Variants in PSMA1 observed in about 807,000 individuals in gnomAD.
PSMA1 encodes the protein proteasome 20S subunit alpha 1.
PSMA1 carries 3 observed loss-of-function variants against 38.4 expected under a neutral mutation model. That is an observed-to-expected ratio of 0.08 (90% CI 0.04 to 0.20). The LOEUF is 0.20. Among genes scored for constraint, PSMA1 ranks in the 10% least tolerant of loss-of-function variants. The pLI is 1.00. For synonymous variants in PSMA1, 101 were observed against 107.1 expected, an observed-to-expected ratio of 0.94 and a Z score of 0.35; for missense variants, 227 against 325.3, an observed-to-expected ratio of 0.70 and a Z score of 2.32.
chr11:14,589,363 A>ATGTGTG (rs1169510115), intron 2 of PSMA1, among the ~76,000 whole-genome samples: 15 of 127,296 alleles, frequency 1.2e-4, no homozygotes, highest in African/African-American at 3.6e-4. Flanking sequence ...ATATATATAT[A>ATGTGTG]TATGTGTGTG....
intron 2 of PSMA1, among the ~76,000 whole-genome samples, chr11:14,608,354 T>C (rs982579972): frequency 6.0e-5 from 9 of 149,992 alleles, no homozygotes; most frequent in African/African-American, 2.2e-4. Flanking sequence ...GTCTCTATTA[T>C]ATATATATAT....
chr11:14,541,405 T>C (rs1851771841), intron 2 of PSMA1, among the ~76,000 whole-genome samples: 1 of 152,216 alleles, frequency 6.6e-6, no homozygotes, highest in Admixed American at 6.5e-5. Flanking sequence ...GTACAGAACA[T>C]ATTCGTCTTT....
At chr11:14,640,650 T>C (rs1853187859) in intron 1 of PSMA1, among the ~76,000 whole-genome samples, 1 of 152,308 alleles carries the variant, frequency 6.6e-6, no homozygotes, top group African/African-American at 2.4e-5. Flanking sequence ...ATTGTTAACA[T>C]ACTTGGGCAA....
At chr11:14,627,140 C>T (rs1443988992) in intron 1 of PSMA1, among the ~76,000 whole-genome samples, 2 of 152,140 alleles carry the variant, frequency 1.3e-5, no homozygotes, top group Non-Finnish European at 2.9e-5. Flanking sequence ...CTTCATTTAA[C>T]CTTAATTACC....
At chr11:14,582,438 G>C (rs1013642176) in intron 2 of PSMA1, among the ~76,000 whole-genome samples, 1 of 148,534 alleles carries the variant, frequency 6.7e-6, no homozygotes, top group South Asian at 2.2e-4. Flanking sequence ...ATCCACCTCT[G>C]GACACAGGGC....
chr11:14,564,254 A>C (rs1057266901), intron 2 of PSMA1, among the ~76,000 whole-genome samples: 2 of 152,042 alleles, frequency 1.3e-5, no homozygotes, highest in African/African-American at 4.8e-5. Flanking sequence ...CTTTGTTTCT[A>C]TAATTTTGTC....
intron 2 of PSMA1, among the ~76,000 whole-genome samples, chr11:14,576,551 T>G (rs1490603294): frequency 1.5e-4 from 23 of 152,292 alleles, no homozygotes; most frequent in African/African-American, 5.1e-4. Context: ...TTTCCCCATT[T>G]CTTGTTTTTG....
intron 1 of PSMA1, among the ~76,000 whole-genome samples, chr11:14,626,916 G>A (rs2133715070): frequency 6.6e-6 from 1 of 152,284 alleles, no homozygotes; most frequent in Admixed American, 6.5e-5. Flanking sequence ...TTAAACAACA[G>A]AACTTTATTT....
intron 2 of PSMA1, among the ~76,000 whole-genome samples, chr11:14,547,610 C>G (rs1422233826): frequency 1.3e-5 from 2 of 152,048 alleles, no homozygotes; most frequent in African/African-American, 4.8e-5. Context: ...AAAGCAAGGT[C>G]ATGGGGTCAA....
intron 1 of PSMA1, among the ~76,000 whole-genome samples, chr11:14,623,547 T>C (rs1350953480): frequency 2.6e-5 from 4 of 151,836 alleles, no homozygotes; most frequent in Non-Finnish European, 4.4e-5. Context: ...AGAGAAGGAG[T>C]TCTGGGGTAG....
At chr11:14,593,340 C>G (rs1852444594) in intron 2 of PSMA1, among the ~76,000 whole-genome samples, 1 of 152,322 alleles carries the variant, frequency 6.6e-6, no homozygotes, top group South Asian at 2.1e-4. Flanking sequence ...CAACGCTGCC[C>G]AAATTTACCT....
chr11:14,600,890 C>A (rs1158705274), intron 2 of PSMA1, among the ~76,000 whole-genome samples: 1 of 152,166 alleles, frequency 6.6e-6, no homozygotes, highest in Admixed American at 6.5e-5. Context: ...TCCAACATTT[C>A]TTTATTTCTG....
intron 2 of PSMA1, among the ~76,000 whole-genome samples, chr11:14,570,527 T>C (rs1852125929): frequency 1.3e-5 from 2 of 152,146 alleles, no homozygotes; most frequent in Non-Finnish European, 2.9e-5. Flanking sequence ...GTAAATGACC[T>C]GATGGAGCTG....
chr11:14,572,593 C>A (rs889109845), intron 2 of PSMA1, among the ~76,000 whole-genome samples: 1 of 152,096 alleles, frequency 6.6e-6, no homozygotes, highest in Non-Finnish European at 1.5e-5. Context: ...CCTAACATCA[C>A]AATTAAAAGA....
chr11:14,510,416 GCTT>G (rs1316422215), intron 8 of PSMA1, among the ~76,000 whole-genome samples: 1 of 151,674 alleles, frequency 6.6e-6, no homozygotes, highest in Non-Finnish European at 1.5e-5. Context: ...TCCTTTTAAC[GCTT>G]TTTTATTTTT....
At chr11:14,544,115 G>A (rs929771200) in intron 2 of PSMA1, among the ~76,000 whole-genome samples, 8 of 152,002 alleles carry the variant, frequency 5.3e-5, no homozygotes, top group Non-Finnish European at 8.8e-5. Flanking sequence ...TCACTGCCTC[G>A]ACCTCCTGGG....
chr11:14,517,979 G>T lies in PSMA1; in HGVS notation c.51C>A (p.Gly17=), dbSNP rs371717310. Reference sequence around the variant, plus strand: ...TTGCATATTCAATTTGATGAATCCTGCCCTAAAGAAAAAAAAAACAAAAAA... The same window carrying T: ...TTGCATATTCAATTTGATGAATCCTTCCCTAAAGAAAAAAAAAACAAAAAA... ...DNDVTVWSPQ[G]RIHQIEYAME... is the part of the protein sequence containing the mutation. The change falls in exon 3 of 10, where the codon GGC becomes GGA. Residue 17 remains glycine, a splice_region_variant and synonymous_variant. Coordinates refer to ENST00000396394, the MANE Select transcript of PSMA1 (RefSeq NM_002786.4). 99 of 1,571,274 alleles carry T rather than the reference G, an allele frequency of 6.3e-5. No homozygotes were observed. The highest frequency in any genetic ancestry group is 8.1e-5 in the Non-Finnish European group (94 of 1,163,286).
chr11:14,601,064 T>C (rs1422315742), intron 2 of PSMA1, among the ~76,000 whole-genome samples: 3 of 152,254 alleles, frequency 2.0e-5, no homozygotes, highest in Non-Finnish European at 4.4e-5. Flanking sequence ...CATTATGTCA[T>C]GCATTATTCC....
At chr11:14,630,210 G>A (rs1400493006) in intron 1 of PSMA1, among the ~76,000 whole-genome samples, 4 of 152,076 alleles carry the variant, frequency 2.6e-5, no homozygotes, top group Non-Finnish European at 5.9e-5. Flanking sequence ...TGTTGAATAG[G>A]AGTGGTGAGA....
Sources: allele counts gnomAD v4.1 joint callset (sites outside exome capture counted in the v4.1 genomes callset), GRCh38; gene constraint gnomAD v4.1.1; transcripts MANE v1.5; gene names NCBI Gene and HGNC (gene_info 2026-07-23, HGNC 2026-07-21).